CDH23: variants seen among roughly 807,000 people sequenced by gnomAD.
The protein encoded by CDH23 is cadherin-23.
A neutral mutation model predicts 317.1 loss-of-function variants in CDH23; 189 were observed. The observed-to-expected ratio is 0.60, with a 90% CI of 0.53 to 0.67. The LOEUF is 0.67. CDH23 is among the 30% of genes least tolerant of loss of function. CDH23 has a pLI of 0.00. For missense variants in CDH23, 4,401 were observed against 4,592.4 expected (o/e 0.96, Z 1.20); for synonymous variants, 1,839 against 1,876.8 (o/e 0.98, Z 0.52).
At chr10:71,662,433 G>T (rs1299412001) in intron 14 of CDH23, among the ~76,000 whole-genome samples, 3 of 152,122 alleles carry the variant, frequency 2.0e-5, no homozygotes, top group African/African-American at 7.2e-5. Context: ...CCTGACACCT[G>T]CGTATCCCAC....
Position 71,625,396 on chromosome 10 carries a change from TAAAAAAAAAAAA to T in CDH23, c.1134+8020_1134+8031del, listed in dbSNP as rs1156772192. 9.1e-4 allele frequency among the ~76,000 whole-genome samples: 18 copies of T among 19,802 alleles called. 1 individual carries two copies. Among genetic ancestry groups the T allele is most frequent in the Admixed American group, 2.1e-3 (3 of 1,414 alleles). 13.0% of individuals were successfully genotyped at this position (19,802 alleles called of 152,430 possible). On this transcript the variant is annotated intron_variant, in intron 11 of 69. Coordinates refer to ENST00000224721, the MANE Select transcript of CDH23 (RefSeq NM_022124.6). ...ATGGAGAAAACATCACCAAATAAATTAAAAAAAAAAAAAAAAAAAAAAAAAAAATGACAAGGA... is the reference window on the plus strand; with the variant it reads ...ATGGAGAAAACATCACCAAATAAATTAAAAAAAAAAAAAAAATGACAAGGA...
intron 11 of CDH23, among the ~76,000 whole-genome samples, chr10:71,621,531 G>A (rs1413562326): frequency 6.6e-6 from 1 of 152,214 alleles, no homozygotes; most frequent in Admixed American, 6.5e-5. Context: ...TTAATGCATG[G>A]TTAAATGCCC....
At position 71,784,981 on chromosome 10, in the gene CDH23, C is replaced by G. The variant is rs1386123792; in HGVS notation, c.5593C>G (p.Pro1865Ala). The G allele has an allele frequency of 1.2e-6, 2 of 1,614,060 alleles. No homozygotes were observed. Among genetic ancestry groups the G allele is most frequent in the African/African-American group, 1.3e-5 (1 of 75,082 alleles). Residue 1865 changes from proline (P) to alanine (A), a missense_variant, in exon 43 of 70, where the codon CCT becomes GCT. This residue lies in a region of CDH23 where 3,068 missense variants were observed against 3,203.3 expected (regional missense o/e 0.96). Coordinates refer to ENST00000224721, the MANE Select transcript of CDH23 (RefSeq NM_022124.6). ...PMNITISENS[P>A]VSSFVAHVLA... ...GAACATCACCATCAGCGAGAACAGC[C>G]CTGTCTCCAGCTTTGTCGCCCATGT...
At chr10:71,457,283 G>A (rs142260369) in intron 3 of CDH23, among the ~76,000 whole-genome samples, 2 of 152,312 alleles carry the variant, frequency 1.3e-5, no homozygotes, top group African/African-American at 4.8e-5. Context: ...TAGCCCCTGT[G>A]TTTTACTAGT....
intron 30 of CDH23, among the ~76,000 whole-genome samples, chr10:71,726,831 C>G (rs1274187690): frequency 6.6e-6 from 1 of 152,244 alleles, no homozygotes; most frequent in Non-Finnish European, 1.5e-5. Flanking sequence ...TCGCTCCCCG[C>G]TCCCTCACCC....
At chr10:71,471,201 C>T (rs898444701) in intron 3 of CDH23, among the ~76,000 whole-genome samples, 16 of 152,264 alleles carry the variant, frequency 1.1e-4, no homozygotes, top group Non-Finnish European at 1.8e-4. Context: ...GCTTACTGCA[C>T]TGCCATCTGC....
At chr10:71,564,576 C>T (rs550768684) in intron 6 of CDH23, among the ~76,000 whole-genome samples, 1 of 152,346 alleles carries the variant, frequency 6.6e-6, no homozygotes, top group South Asian at 2.1e-4. Flanking sequence ...GCAGAAGGAT[C>T]AGAGAGGCTT....
At chr10:71,796,034 C>T (rs1330579590) in intron 48 of CDH23, 6 of 986,666 alleles carry the variant, frequency 6.1e-6, no homozygotes, top group Admixed American at 1.2e-4. Context: ...GGACAGGGAG[C>T]GAGAGTAGGA....
chr10:71,487,673 C>A (rs1411593841), intron 3 of CDH23, among the ~76,000 whole-genome samples: 5 of 152,118 alleles, frequency 3.3e-5, no homozygotes, highest in Non-Finnish European at 5.9e-5. Context: ...CCGTATGGCC[C>A]TTATCACCAT....
intron 1 of CDH23, among the ~76,000 whole-genome samples, chr10:71,398,762 G>A (rs1847650036): frequency 6.6e-6 from 1 of 152,162 alleles, no homozygotes; most frequent in Admixed American, 6.5e-5. Flanking sequence ...CAGGGCTGGG[G>A]AGGGCAGGAA....
intron 3 of CDH23, among the ~76,000 whole-genome samples, chr10:71,472,911 C>T (rs574258328): frequency 7.0e-4 from 107 of 152,312 alleles, no homozygotes; most frequent in African/African-American, 2.4e-3. Flanking sequence ...TATTAATACC[C>T]GAATAATGCA....
intron 40 of CDH23, among the ~76,000 whole-genome samples, chr10:71,778,882 C>T (rs1464813106): frequency 6.6e-6 from 1 of 152,258 alleles, no homozygotes; most frequent in African/African-American, 2.4e-5. Context: ...CTCAGCCTCC[C>T]AAGTAGCTGG....
chr10:71,542,693 A>G (rs1856049104), intron 6 of CDH23, among the ~76,000 whole-genome samples: 1 of 152,214 alleles, frequency 6.6e-6, no homozygotes, highest in Admixed American at 6.5e-5. Flanking sequence ...GAAATTGAAA[A>G]GCACCAGACT....
intron 1 of CDH23, among the ~76,000 whole-genome samples, chr10:71,405,418 C>A (rs1469066668): frequency 6.7e-6 from 1 of 150,368 alleles, no homozygotes; most frequent in Non-Finnish European, 1.5e-5. Flanking sequence ...GAGGGTGAGG[C>A]ATGGGTAGAC....
At chr10:71,607,814 G>T (rs929818159) in intron 9 of CDH23, among the ~76,000 whole-genome samples, 4 of 152,150 alleles carry the variant, frequency 2.6e-5, no homozygotes, top group Non-Finnish European at 5.9e-5. Context: ...GAGGTGGGAG[G>T]ATCACTTGAG....
In CDH23 at chr10:71,807,705, G is replaced by T. The variant is rs534575559; in HGVS notation, c.8498G>T (p.Arg2833Leu). 3.1e-6 allele frequency: 5 copies of T among 1,612,418 alleles called. No homozygotes were observed. The East Asian group carries it at 1.1e-4, about 36-fold the overall frequency. Residue 2833 changes from arginine (R) to leucine (L), a missense_variant, in exon 59 of 70, where the codon CGC (arginine) becomes CTC (leucine). By Grantham distance (102) the Arg-to-Leu change is moderately radical. This residue lies in a region of CDH23 where 1,144 missense variants were observed against 1,138.2 expected (regional missense o/e 1.01). Transcript: ENST00000224721. ...LVADLTLQEV[R>L]VVLEDINDQP... The stretch of plus-strand genomic sequence containing the variant: ...GCTGACCTCACACTGCAGGAGGTGC[G>T]CGTTGTGCTAGAGGACATCAACGAC...
At chr10:71,400,992 C>T (rs1487147986) in intron 1 of CDH23, among the ~76,000 whole-genome samples, 4 of 151,926 alleles carry the variant, frequency 2.6e-5, no homozygotes, top group Non-Finnish European at 4.4e-5. Flanking sequence ...TATTTTGAGC[C>T]TTGCTTTGGG....
chr10:71,748,059 G>C (rs1321841529), intron 38 of CDH23: 1 of 152,112 alleles, frequency 6.6e-6, no homozygotes, highest in Admixed American at 6.6e-5. Context: ...CGTGCATTGT[G>C]GTTCCCTGAG....
At chr10:71,630,518 G>A (rs1026058429) in intron 11 of CDH23, among the ~76,000 whole-genome samples, 3 of 152,184 alleles carry the variant, frequency 2.0e-5, no homozygotes, top group Non-Finnish European at 4.4e-5. Flanking sequence ...GAGGAAGGGA[G>A]TTAAGAGTGA....
Sources: allele counts gnomAD v4.1 joint callset (sites outside exome capture counted in the v4.1 genomes callset), GRCh38; gene constraint gnomAD v4.1.1; regional missense constraint gnomAD v4.1.1; transcripts MANE v1.5; gene names NCBI Gene and HGNC (gene_info 2026-07-23, HGNC 2026-07-21).